The following AFG2A variants were observed in gnomAD, a reference collection of about 807,000 sequenced individuals.
The protein encoded by AFG2A is ATPase family gene 2 protein homolog A.
the AFG2A span, among the ~76,000 whole-genome samples, chr4:123,252,711 C>T: frequency 6.6e-6 from 1 of 152,078 alleles, no homozygotes; most frequent in African/African-American, 2.4e-5. Flanking sequence ...CCTGTGAAAC[C>T]ACCTCTGCAA....
chr4:123,101,651 A>G, the AFG2A span, among the ~76,000 whole-genome samples: 3 of 151,830 alleles, frequency 2.0e-5, no homozygotes, highest in African/African-American at 7.2e-5. Flanking sequence ...TCTTCTTTGA[A>G]CTTTTTGCTT....
chr4:123,191,031 A>G, the AFG2A span, among the ~76,000 whole-genome samples: 46 of 152,196 alleles, frequency 3.0e-4, no homozygotes, highest in Non-Finnish European at 5.1e-4. Context: ...CTTGCTGTCT[A>G]GGAAGCACTT....
chr4:123,213,344 C>T, the AFG2A span, among the ~76,000 whole-genome samples: 1 of 152,066 alleles, frequency 6.6e-6, no homozygotes. Context: ...CTCATGGAAA[C>T]ACACACAAGC....
the AFG2A span, among the ~76,000 whole-genome samples, chr4:123,005,886 A>G: frequency 6.6e-6 from 1 of 152,228 alleles, no homozygotes; most frequent in Non-Finnish European, 1.5e-5. Context: ...TTCAAAACAT[A>G]CTGTCATCAG....
At chr4:123,185,411 C>T in the AFG2A span, among the ~76,000 whole-genome samples, 1 of 152,008 alleles carries the variant, frequency 6.6e-6, no homozygotes, top group Non-Finnish European at 1.5e-5. Flanking sequence ...TTTTACATAT[C>T]ATTTTATTTG....
the AFG2A span, among the ~76,000 whole-genome samples, chr4:123,089,290 A>G: frequency 6.6e-6 from 1 of 152,316 alleles, no homozygotes; most frequent in African/African-American, 2.4e-5. Context: ...ATATTACATG[A>G]TGATTATACT....
the AFG2A span, among the ~76,000 whole-genome samples, chr4:123,095,517 C>T: frequency 0.012 from 1,813 of 152,080 alleles, 43 homozygotes; most frequent in African/African-American, 0.04. Flanking sequence ...ATGATTAGCA[C>T]GTAATGTTCA....
At chr4:123,140,497 G>GT in the AFG2A span, among the ~76,000 whole-genome samples, 92,828 of 143,512 alleles carry the variant, frequency 0.65, 30,297 homozygotes, top group Non-Finnish European at 0.76. Context: ...AGAGGATAAG[G>GT]TTTTTTTTTT....
At chr4:123,272,637 G>A in the AFG2A span, among the ~76,000 whole-genome samples, 5 of 152,130 alleles carry the variant, frequency 3.3e-5, no homozygotes, top group Non-Finnish European at 7.4e-5. Flanking sequence ...TACAGGCATC[G>A]TAGCCTACTC....
At chr4:123,258,396 C>T in the AFG2A span, among the ~76,000 whole-genome samples, 1 of 152,166 alleles carries the variant, frequency 6.6e-6, no homozygotes, top group Non-Finnish European at 1.5e-5. Flanking sequence ...TCATTTCTCT[C>T]TCTCTGTTTC....
At chr4:123,245,921 T>G in the AFG2A span, among the ~76,000 whole-genome samples, 1 of 152,224 alleles carries the variant, frequency 6.6e-6, no homozygotes, top group Admixed American at 6.5e-5. Context: ...CAAATATCTG[T>G]GGGACTGAAC....
At chr4:123,176,809 C>T in the AFG2A span, among the ~76,000 whole-genome samples, 1 of 151,124 alleles carries the variant, frequency 6.6e-6, no homozygotes, top group Non-Finnish European at 1.5e-5. Context: ...TGTAGCCCAG[C>T]ATCTTATCTA....
chr4:123,025,752 T>C, the AFG2A span, among the ~76,000 whole-genome samples: 126,441 of 152,086 alleles, frequency 0.83, 53,705 homozygotes, highest in East Asian at 0.96. Context: ...TATACCAATA[T>C]GTATGGTTTC....
the AFG2A span, among the ~76,000 whole-genome samples, chr4:123,240,963 C>T: frequency 2.0e-5 from 3 of 152,104 alleles, no homozygotes; most frequent in African/African-American, 7.2e-5. Context: ...CACCACCGAT[C>T]CCACAGAAAT....
the AFG2A span, among the ~76,000 whole-genome samples, chr4:123,185,681 C>A: frequency 6.6e-6 from 1 of 151,850 alleles, no homozygotes; most frequent in African/African-American, 2.4e-5. Flanking sequence ...ATGTTTTTTT[C>A]TTATACATGA....
At chr4:123,081,343 C>T in the AFG2A span, among the ~76,000 whole-genome samples, 2 of 152,156 alleles carry the variant, frequency 1.3e-5, no homozygotes, top group African/African-American at 4.8e-5. Flanking sequence ...TTTGGAATAT[C>T]CTATACATTC....
chr4:123,247,582 A>ATGTTTGTT, the AFG2A span, among the ~76,000 whole-genome samples: 10,760 of 149,528 alleles, frequency 0.072, 648 homozygotes, highest in African/African-American at 0.16. Flanking sequence ...GCTAATTTTT[A>ATGTTTGTT]TGTTTGTTTG....
At chr4:123,010,435 A>G in the AFG2A span, among the ~76,000 whole-genome samples, 1 of 152,140 alleles carries the variant, frequency 6.6e-6, no homozygotes. Context: ...TCCACAATGT[A>G]GAGACCGTGT....
the AFG2A span, among the ~76,000 whole-genome samples, chr4:123,051,352 A>G: frequency 6.6e-6 from 1 of 151,936 alleles, no homozygotes; most frequent in African/African-American, 2.4e-5. Flanking sequence ...TTTGATTGCA[A>G]GATAAGAAAC....
Sources: allele counts gnomAD v4.1 joint callset (sites outside exome capture counted in the v4.1 genomes callset), GRCh38; gene constraint gnomAD v4.1.1; transcripts MANE v1.5; gene names NCBI Gene and HGNC (gene_info 2026-07-23, HGNC 2026-07-21).